The following UBE2D2 variants were observed in gnomAD, a reference collection of about 807,000 sequenced individuals.
UBE2D2 encodes ubiquitin conjugating enzyme E2 D2.
In UBE2D2, 2 loss-of-function variants were observed where a neutral mutation model predicts 24.2. The ratio of observed to expected loss-of-function variants is 0.08; its 90% CI spans 0.03 to 0.26. The LOEUF (loss-of-function observed/expected upper bound fraction) is 0.26, where lower values mean the gene tolerates loss of function less well. Ranked by LOEUF, UBE2D2 falls within the 10% of genes least tolerant of loss-of-function variation. UBE2D2 has a pLI of 1.00. For synonymous variants in UBE2D2, 58 were observed against 56.5 expected (o/e 1.03, Z -0.12); for missense variants, 44 against 177.6 (o/e 0.25, Z 4.28).
chr5:139,531,585 C>T (rs1358299979), intron 1 of UBE2D2, among the ~76,000 whole-genome samples: 1 of 150,032 alleles, frequency 6.7e-6, no homozygotes, highest in African/African-American at 2.5e-5. Context: ...GCATCACATA[C>T]CCCTGCACTC....
At chr5:139,606,382 C>T (rs1014616177) in intron 2 of UBE2D2, among the ~76,000 whole-genome samples, 1 of 151,812 alleles carries the variant, frequency 6.6e-6, no homozygotes, top group South Asian at 2.1e-4. Flanking sequence ...AGGCTGGTCT[C>T]GAACTCCTGA....
At chr5:139,532,427 C>T (rs1260179690) in intron 1 of UBE2D2, among the ~76,000 whole-genome samples, 2 of 151,822 alleles carry the variant, frequency 1.3e-5, no homozygotes, top group African/African-American at 2.4e-5. Context: ...TCTCGGCTCA[C>T]TGCAAGCTCC....
At chr5:139,555,212 A>ATTTTTGTATT (rs1440779373) in intron 1 of UBE2D2, among the ~76,000 whole-genome samples, 1 of 151,872 alleles carries the variant, frequency 6.6e-6, no homozygotes, top group Non-Finnish European at 1.5e-5. Context: ...CACCTGGCTA[A>ATTTTTGTATT]TTTTTGTATT....
intron 1 of UBE2D2, among the ~76,000 whole-genome samples, chr5:139,539,736 T>A (rs184777709): frequency 6.9e-6 from 1 of 144,968 alleles, no homozygotes; most frequent in Admixed American, 6.9e-5. Flanking sequence ...GAACTACAAG[T>A]GCCCGCCACC....
chr5:139,614,457 C>T (rs1380801316), intron 2 of UBE2D2, 129 bp from the exon 3 acceptor site: 4 of 1,060,546 alleles, frequency 3.8e-6, no homozygotes, highest in African/African-American at 1.6e-5. Flanking sequence ...TTATGTTCCT[C>T]ATCTTGCTCA....
In UBE2D2 at chr5:139,627,620, C is replaced by T. The variant is rs1415950770; in HGVS notation, c.*819C>T. 1 of 152,636 alleles carries T rather than the reference C, an allele frequency of 6.6e-6. No individual in the cohort carries two copies. Among genetic ancestry groups the T allele is most frequent in the Non-Finnish European group, 1.5e-5 (1 of 68,026 alleles). The allele number at this position is 152,636 out of a possible 1,614,324, so 9.5% of individuals were successfully genotyped here. On this transcript the variant is annotated 3_prime_UTR_variant, in exon 7 of 7. Coordinates refer to ENST00000398733, the MANE Select transcript of UBE2D2 (RefSeq NM_003339.3). The stretch of plus-strand genomic sequence containing the variant: ...TTGTGTATATTTAAAGACCCAATTG[C>T]TCCTCTGGAGCTTGTACTTTCAAGA...
chr5:139,605,147 T>G (rs1350077309), intron 2 of UBE2D2, among the ~76,000 whole-genome samples: 1 of 152,182 alleles, frequency 6.6e-6, no homozygotes, highest in East Asian at 1.9e-4. Context: ...TGTGCTTTAT[T>G]TTAAAACATC....
chr5:139,579,532 C>T (rs916553496), intron 1 of UBE2D2, among the ~76,000 whole-genome samples: 2 of 152,114 alleles, frequency 1.3e-5, no homozygotes, highest in African/African-American at 2.4e-5. Context: ...CAAGATGATC[C>T]GCCCACCTTG....
chr5:139,535,779 T>A (rs560913106), intron 1 of UBE2D2, among the ~76,000 whole-genome samples: 1 of 152,246 alleles, frequency 6.6e-6, no homozygotes. Flanking sequence ...CTGCAACATA[T>A]ACAAAGGTAG....
intron 1 of UBE2D2, among the ~76,000 whole-genome samples, chr5:139,578,434 T>TTGTGTGTGTG (rs34697798): frequency 6.3e-4 from 91 of 145,074 alleles, no homozygotes; most frequent in Non-Finnish European, 1.0e-3. Flanking sequence ...GTTTTGTGTT[T>TTGTGTGTGTG]TGTGTGTGTG....
At chr5:139,570,645 G>C (rs1466686968) in intron 1 of UBE2D2, among the ~76,000 whole-genome samples, 1 of 152,170 alleles carries the variant, frequency 6.6e-6, no homozygotes, top group Admixed American at 6.6e-5. Flanking sequence ...CAGAGTAGCT[G>C]AGACTACAGG....
intron 1 of UBE2D2, chr5:139,562,391 C>CA: frequency 7.7e-7 from 1 of 1,305,448 alleles, no homozygotes; most frequent in Admixed American, 2.4e-5. Context: ...GTTGGAAGTT[C>CA]AGAAGAAAAA....
chr5:139,536,743 G>C (rs1752686036), intron 1 of UBE2D2, among the ~76,000 whole-genome samples: 1 of 152,064 alleles, frequency 6.6e-6, no homozygotes, highest in East Asian at 1.9e-4. Flanking sequence ...ACCCACCTCA[G>C]CTTCCCAAAG....
chr5:139,575,386 G>A (rs994252151), intron 1 of UBE2D2, among the ~76,000 whole-genome samples: 2 of 152,042 alleles, frequency 1.3e-5, no homozygotes, highest in Admixed American at 1.3e-4. Flanking sequence ...AAAATCTTAG[G>A]TGTCAGTGTT....
upstream of UBE2D2, chr5:139,526,290 CCCTT>C (rs1160975518): frequency 1.3e-5 from 2 of 152,214 alleles, no homozygotes; most frequent in Non-Finnish European, 2.9e-5. Context: ...CTGAATAAAG[CCCTT>C]CCTTCTACAA....
At chr5:139,575,517 T>A (rs1469082420) in intron 1 of UBE2D2, among the ~76,000 whole-genome samples, 1 of 152,212 alleles carries the variant, frequency 6.6e-6, no homozygotes, top group Admixed American at 6.6e-5. Context: ...CCCAGTATTC[T>A]TCAGCAAACT....
At chr5:139,597,253 T>C (rs1273792554) in intron 1 of UBE2D2, among the ~76,000 whole-genome samples, 2 of 152,184 alleles carry the variant, frequency 1.3e-5, no homozygotes, top group Non-Finnish European at 2.9e-5. Context: ...ACTGGAACCA[T>C]GGATCTGCTT....
intron 2 of UBE2D2, among the ~76,000 whole-genome samples, chr5:139,604,456 C>T (rs1277923045): frequency 6.6e-6 from 1 of 151,982 alleles, no homozygotes; most frequent in Admixed American, 6.6e-5. Context: ...ACTCCTATAA[C>T]TCAGTATAAA....
intron 1 of UBE2D2, among the ~76,000 whole-genome samples, chr5:139,542,465 T>G (rs996076103): frequency 2.0e-5 from 3 of 151,696 alleles, no homozygotes; most frequent in Non-Finnish European, 4.4e-5. Flanking sequence ...GCCTCCTGGG[T>G]TCAAGCAAGC....
Sources: allele counts gnomAD v4.1 joint callset (sites outside exome capture counted in the v4.1 genomes callset), GRCh38; gene constraint gnomAD v4.1.1; transcripts MANE v1.5; gene names NCBI Gene and HGNC (gene_info 2026-07-23, HGNC 2026-07-21).